The following GTF2F2 variants were observed in gnomAD, a reference collection of about 807,000 sequenced individuals.
GTF2F2 encodes general transcription factor IIF subunit 2.
GTF2F2 carries 23 observed loss-of-function variants against 42.2 expected under a neutral mutation model. The ratio of observed to expected loss-of-function variants is 0.55; its 90% CI spans 0.39 to 0.77. The LOEUF is 0.77. Among genes scored for constraint, GTF2F2 ranks in the 30% least tolerant of loss-of-function variants. The probability of loss-of-function intolerance (pLI) is 0.00; values close to 1 mark genes in which losing one functional copy is unlikely to be tolerated. For synonymous variants in GTF2F2, 105 were observed against 100.8 expected (o/e 1.04, Z -0.25); for missense variants, 261 against 287.2 (o/e 0.91, Z 0.66).
chr13:45,123,364 A>C lies in GTF2F2; in HGVS notation c.66+2643A>C, dbSNP rs1324973391. 2 of 152,338 alleles carry C rather than the reference A, an allele frequency of 1.3e-5. 1 individual carries two copies. Among genetic ancestry groups the C allele is most frequent in the South Asian group, 4.1e-4 (2 of 4,838 alleles). 9.4% of individuals were successfully genotyped at this position (152,338 alleles called of 1,614,324 possible). On this transcript the variant is annotated intron_variant, in intron 1 of 7. Coordinates refer to ENST00000340473, the MANE Select transcript of GTF2F2 (RefSeq NM_004128.3). ...TATGGCAGGCCGGGTGCAGTGGCTG[A>C]TGTCTGTAATCCCAGCACTTTGGGA... is the stretch of plus-strand genomic sequence containing the variant.
At chr13:45,223,234 T>C (rs1874188253) in intron 5 of GTF2F2, among the ~76,000 whole-genome samples, 1 of 124,202 alleles carries the variant, frequency 8.1e-6, no homozygotes, top group Admixed American at 1.0e-4. Flanking sequence ...CCCTCCAGCC[T>C]AGGTAACAGA....
At chr13:45,156,862 A>G (rs533180005) in intron 4 of GTF2F2, among the ~76,000 whole-genome samples, 2 of 152,348 alleles carry the variant, frequency 1.3e-5, no homozygotes, top group Non-Finnish European at 2.9e-5. Context: ...GCAGTTCATT[A>G]ATTCAATAAA....
chr13:45,137,199 C>T (rs537248037), intron 2 of GTF2F2, among the ~76,000 whole-genome samples: 1 of 152,242 alleles, frequency 6.6e-6, no homozygotes, highest in African/African-American at 2.4e-5. Flanking sequence ...ACCACTGGGC[C>T]TACTTATAGG....
intron 1 of GTF2F2, among the ~76,000 whole-genome samples, chr13:45,133,302 TAAAG>T (rs561064498): frequency 2.3e-4 from 35 of 152,006 alleles, no homozygotes; most frequent in Admixed American, 1.0e-3. Flanking sequence ...GGTGGGAAGT[TAAAG>T]AAAGAAAAAT....
At chr13:45,139,012 T>C (rs1275859989) in intron 2 of GTF2F2, among the ~76,000 whole-genome samples, 1 of 152,226 alleles carries the variant, frequency 6.6e-6, no homozygotes, top group African/African-American at 2.4e-5. Flanking sequence ...CAGACAAGCT[T>C]AGCAGATTCA....
chr13:45,192,617 GA>G (rs1872705816), intron 4 of GTF2F2, among the ~76,000 whole-genome samples: 1 of 152,070 alleles, frequency 6.6e-6, no homozygotes, highest in Non-Finnish European at 1.5e-5. Flanking sequence ...TTTGCAGGGG[GA>G]AAATACACTC....
chr13:45,186,998 T>C (rs1872453679), intron 4 of GTF2F2, among the ~76,000 whole-genome samples: 1 of 152,222 alleles, frequency 6.6e-6, no homozygotes. Flanking sequence ...TAAATGCAAC[T>C]GAATATTCTG....
intron 4 of GTF2F2, among the ~76,000 whole-genome samples, chr13:45,158,610 C>G (rs1020093443): frequency 6.6e-6 from 1 of 152,178 alleles, no homozygotes; most frequent in South Asian, 2.1e-4. Flanking sequence ...GATTTGTCTT[C>G]TATAGTCATA....
At chr13:45,163,935 C>T (rs572983736) in intron 4 of GTF2F2, among the ~76,000 whole-genome samples, 3 of 152,314 alleles carry the variant, frequency 2.0e-5, no homozygotes, top group Admixed American at 6.5e-5. Context: ...GGGCAGATCA[C>T]TTAAGGCCAG....
chr13:45,238,463 C>A (rs1363658969), intron 5 of GTF2F2, among the ~76,000 whole-genome samples: 3 of 152,110 alleles, frequency 2.0e-5, no homozygotes, highest in Non-Finnish European at 4.4e-5. Context: ...GCGTGATTAA[C>A]AGGAAAAGCA....
At chr13:45,145,028 A>G (rs1477288192) in intron 2 of GTF2F2, among the ~76,000 whole-genome samples, 1 of 152,200 alleles carries the variant, frequency 6.6e-6, no homozygotes, top group Non-Finnish European at 1.5e-5. Flanking sequence ...CATTTTATTC[A>G]GTTCTCGATG....
chr13:45,282,793 C>A (rs1451339295), intron 7 of GTF2F2, among the ~76,000 whole-genome samples: 1 of 152,190 alleles, frequency 6.6e-6, no homozygotes, highest in Non-Finnish European at 1.5e-5. Flanking sequence ...GCGTGAGCCA[C>A]CAAGCCCGGC....
In GTF2F2 at chr13:45,151,972, A is replaced by G. The variant is rs1411432794; in HGVS notation, c.304+141A>G. The G allele has an allele frequency of 1.4e-5, 7 of 496,590 alleles. No individual in the cohort carries two copies. The East Asian group carries it at 1.4e-4, about 10-fold the overall frequency. The allele number at this position is 496,590 out of a possible 1,614,324, so 30.8% of individuals were successfully genotyped here. ...CTCTTGTTGCCCAGGCTGAAGTCCA[A>G]TGGCACGATCTTGGCTCACTGCAAC... is the stretch of plus-strand genomic sequence containing the variant. On this transcript the variant is annotated intron_variant, in intron 4 of 7. Coordinates refer to ENST00000340473, the MANE Select transcript of GTF2F2 (RefSeq NM_004128.3).
At chr13:45,139,790 G>A (rs981814941) in intron 2 of GTF2F2, among the ~76,000 whole-genome samples, 19 of 152,114 alleles carry the variant, frequency 1.2e-4, no homozygotes, top group African/African-American at 4.6e-4. Context: ...CTAGAACAAT[G>A]CTTGGCATAG....
rs1359352820 is a variant in GTF2F2 at position 45,191,240 on chromosome 13, T to A, written c.305-16184T>A. Among the ~76,000 whole-genome samples the A allele has an allele frequency of 7.8e-4, 104 of 133,898 alleles. 3 individuals are homozygous for A. The highest frequency in any genetic ancestry group is 1.2e-3 in the Admixed American group (17 of 13,718). 87.8% of individuals were successfully genotyped at this position (133,898 alleles called of 152,430 possible). A position where few individuals can be genotyped will look rare whatever the true frequency, so the allele number is the denominator to read the frequency against. ...CAAAAAAAAAATATATATATATATATATATATATATATATAGCCATAATCT... is the reference window on the plus strand; with the variant it reads ...CAAAAAAAAAATATATATATATATAAATATATATATATATAGCCATAATCT... On this transcript the variant is annotated intron_variant, in intron 4 of 7. Coordinates refer to ENST00000340473, the MANE Select transcript of GTF2F2 (RefSeq NM_004128.3).
At chr13:45,225,552 A>G (rs191083853) in intron 5 of GTF2F2, among the ~76,000 whole-genome samples, 81 of 151,284 alleles carry the variant, frequency 5.4e-4, no homozygotes, top group South Asian at 1.5e-3. Flanking sequence ...GGAGATTGCA[A>G]TGAGCCCAGA....
At chr13:45,189,694 C>T (rs1872553147) in intron 4 of GTF2F2, among the ~76,000 whole-genome samples, 1 of 146,798 alleles carries the variant, frequency 6.8e-6, no homozygotes, top group South Asian at 2.1e-4. Flanking sequence ...TTTGCAATAC[C>T]ATTCAGGACA....
At chr13:45,143,663 A>G (rs1423488091) in intron 2 of GTF2F2, among the ~76,000 whole-genome samples, 2 of 152,128 alleles carry the variant, frequency 1.3e-5, no homozygotes, top group Admixed American at 6.5e-5. Context: ...GGAGATCTGT[A>G]TGGCGTGGCT....
intron 5 of GTF2F2, among the ~76,000 whole-genome samples, chr13:45,209,442 C>T (rs552992135): frequency 6.6e-6 from 1 of 152,288 alleles, no homozygotes; most frequent in South Asian, 2.1e-4. Context: ...TTAATCTTTA[C>T]TTAAGTGACT....
Sources: gnomAD v4.1 joint callset for allele counts (sites outside exome capture counted in the v4.1 genomes callset) on GRCh38, gnomAD v4.1.1 for gene constraint, MANE v1.5 for transcripts, NCBI Gene and HGNC (gene_info 2026-07-23, HGNC 2026-07-21) for gene names.